Variants in SRGAP1 observed in about 807,000 individuals in gnomAD.
The protein encoded by SRGAP1 is SLIT-ROBO Rho GTPase-activating protein 1.
A neutral mutation model predicts 121.9 loss-of-function variants in SRGAP1; 43 were observed. That is an observed-to-expected ratio of 0.35 (90% CI 0.28 to 0.46). SRGAP1 has a LOEUF of 0.46. Ranked by LOEUF, SRGAP1 falls within the 20% of genes least tolerant of loss-of-function variation. SRGAP1 has a pLI of 1.00. For synonymous variants in SRGAP1, 447 were observed against 485.4 expected (o/e 0.92, Z 1.04); for missense variants, 1,102 against 1,350.9 (o/e 0.82, Z 2.89).
At chr12:63,938,018 C>T (rs2031726544) in intron 1 of SRGAP1, among the ~76,000 whole-genome samples, 1 of 152,202 alleles carries the variant, frequency 6.6e-6, no homozygotes, top group South Asian at 2.1e-4. Context: ...GTGTTTTACA[C>T]ATTGGCACAC....
intron 16 of SRGAP1, among the ~76,000 whole-genome samples, chr12:64,111,511 T>C (rs1343368083): frequency 1.3e-5 from 2 of 152,148 alleles, no homozygotes; most frequent in Non-Finnish European, 2.9e-5. Context: ...CTGGTCTCCA[T>C]TGTAGTGAAT....
intron 1 of SRGAP1, among the ~76,000 whole-genome samples, chr12:63,948,971 CAT>C (rs58189673): frequency 0.019 from 1,168 of 60,678 alleles, 45 homozygotes; most frequent in African/African-American, 0.054. Context: ...ATATATTTTC[CAT>C]ATATATATAT....
intron 3 of SRGAP1, among the ~76,000 whole-genome samples, chr12:63,998,390 G>C (rs1288359004): frequency 2.0e-5 from 3 of 152,194 alleles, no homozygotes; most frequent in African/African-American, 7.2e-5. Context: ...CTGAGAGAAA[G>C]AAATCAGAGT....
chr12:64,018,652 T>C (rs1412558921), intron 4 of SRGAP1, among the ~76,000 whole-genome samples: 3 of 152,256 alleles, frequency 2.0e-5, no homozygotes, highest in Admixed American at 2.0e-4. Context: ...TCTGTGCATA[T>C]AAATTGAATT....
At chr12:64,081,838 C>T (rs1035250934) in intron 10 of SRGAP1, 9 of 150,756 alleles carry the variant, frequency 6.0e-5, no homozygotes, top group Non-Finnish European at 1.2e-4. Flanking sequence ...CATTAACAGC[C>T]GGAAAATCTA....
At chr12:63,946,293 C>CTTTT (rs77103965) in intron 1 of SRGAP1, among the ~76,000 whole-genome samples, 2 of 136,740 alleles carry the variant, frequency 1.5e-5, no homozygotes, top group African/African-American at 5.3e-5. Flanking sequence ...CTTTTTTTTT[C>CTTTT]TTTTTTTTTT....
intron 3 of SRGAP1, among the ~76,000 whole-genome samples, chr12:64,009,926 G>T (rs2034202433): frequency 6.6e-6 from 1 of 152,130 alleles, no homozygotes; most frequent in Admixed American, 6.6e-5. Context: ...CTTGGTTCAG[G>T]CCATCAAGCA....
intron 15 of SRGAP1, chr12:64,108,729 C>T (rs562411391): frequency 6.1e-4 from 229 of 373,822 alleles, no homozygotes; most frequent in African/African-American, 4.4e-3. Flanking sequence ...TCGGAGAAAA[C>T]GGTAAGGGTC....
intron 4 of SRGAP1, among the ~76,000 whole-genome samples, chr12:64,028,613 T>C (rs2034704558): frequency 6.6e-6 from 1 of 152,250 alleles, no homozygotes; most frequent in South Asian, 2.1e-4. Flanking sequence ...GCAGATTCAG[T>C]ATCTGGTGAA....
At chr12:63,898,352 G>A (rs1423578378) in intron 1 of SRGAP1, among the ~76,000 whole-genome samples, 1 of 152,180 alleles carries the variant, frequency 6.6e-6, no homozygotes, top group Non-Finnish European at 1.5e-5. Flanking sequence ...AGTTATAAGA[G>A]AATTACGCAT....
At chr12:63,852,870 T>A (rs1307107122) in intron 1 of SRGAP1, among the ~76,000 whole-genome samples, 1 of 152,138 alleles carries the variant, frequency 6.6e-6, no homozygotes, top group Non-Finnish European at 1.5e-5. Flanking sequence ...AATCATTGTC[T>A]GTGCATCTCC....
At chr12:64,104,390 T>C (rs1055226710) in intron 15 of SRGAP1, among the ~76,000 whole-genome samples, 7 of 152,184 alleles carry the variant, frequency 4.6e-5, no homozygotes, top group Non-Finnish European at 1.0e-4. Context: ...AAAGCCCAGC[T>C]TACAAGAAAT....
At chr12:63,894,539 T>G (rs1429121892) in intron 1 of SRGAP1, among the ~76,000 whole-genome samples, 2 of 152,060 alleles carry the variant, frequency 1.3e-5, no homozygotes, top group East Asian at 3.9e-4. Flanking sequence ...TTGTTACATA[T>G]GTATATATGT....
intron 1 of SRGAP1, among the ~76,000 whole-genome samples, chr12:63,957,870 T>A (rs1290854903): frequency 6.6e-6 from 1 of 152,132 alleles, no homozygotes; most frequent in East Asian, 1.9e-4. Context: ...TATAAAAAAA[T>A]CTCCAGAAAT....
chr12:63,868,067 T>A (rs1245721383), intron 1 of SRGAP1, among the ~76,000 whole-genome samples: 36 of 100,972 alleles, frequency 3.6e-4, no homozygotes, highest in Non-Finnish European at 5.4e-4. Flanking sequence ...TTTTTTTTTT[T>A]TTTTTTTTTT....
rs2037015808 is a variant in SRGAP1, at chr12:64,144,321, A to C, written c.*1649A>C. 1 of 152,024 alleles carries C rather than the reference A, an allele frequency of 6.6e-6. No individual in the cohort carries two copies. The highest frequency in any genetic ancestry group is 6.6e-5 in the Admixed American group (1 of 15,248). The allele number at this position is 152,024 out of a possible 1,614,324, so 9.4% of individuals were successfully genotyped here. A position where few individuals can be genotyped will look rare whatever the true frequency, so the allele number is the denominator to read the frequency against. ...TTAATTTCCTTCTTGGTTTCATTTCAAACTGGCAGCCAATTGCACGCCCAT... is the reference window on the plus strand; with the variant it reads ...TTAATTTCCTTCTTGGTTTCATTTCCAACTGGCAGCCAATTGCACGCCCAT... On this transcript the variant is annotated 3_prime_UTR_variant, in exon 22 of 22. Transcript: ENST00000355086.
At chr12:63,956,124 A>C (rs2032456422) in intron 1 of SRGAP1, among the ~76,000 whole-genome samples, 2 of 152,198 alleles carry the variant, frequency 1.3e-5, no homozygotes, top group Admixed American at 1.3e-4. Flanking sequence ...GCATTGGCGC[A>C]ATCCCGAGTA....
intron 16 of SRGAP1, among the ~76,000 whole-genome samples, chr12:64,109,418 T>A (rs2036397710): frequency 6.6e-6 from 1 of 152,148 alleles, no homozygotes; most frequent in South Asian, 2.1e-4. Context: ...TTTAATATTG[T>A]AGTTGAGGAT....
intron 1 of SRGAP1, among the ~76,000 whole-genome samples, chr12:63,922,548 G>A (rs907316091): frequency 1.3e-5 from 2 of 152,182 alleles, no homozygotes; most frequent in African/African-American, 4.8e-5. Context: ...TACCATGGTA[G>A]ACTAGGCCTC....
Sources: gnomAD v4.1 joint callset for allele counts (sites outside exome capture counted in the v4.1 genomes callset) on GRCh38, gnomAD v4.1.1 for gene constraint, MANE v1.5 for transcripts, NCBI Gene and HGNC (gene_info 2026-07-23, HGNC 2026-07-21) for gene names.